COG3: variants seen among roughly 807,000 people sequenced by gnomAD.
COG3 encodes conserved oligomeric Golgi complex subunit 3.
Under a neutral mutation model 114.1 loss-of-function variants are expected in COG3, and 32 were observed. The observed-to-expected ratio is 0.28, with a 90% CI of 0.21 to 0.38. COG3 has a LOEUF of 0.38. Among genes scored for constraint, COG3 ranks in the 10% least tolerant of loss-of-function variants. COG3 has a pLI of 1.00. For missense variants in COG3, 813 were observed against 973.2 expected (o/e 0.84, Z 2.19); for synonymous variants, 352 against 365.7 (o/e 0.96, Z 0.43).
At position 45,474,189 on chromosome 13, in the gene COG3, G is replaced by A. The variant is rs573113138; in HGVS notation, c.175-2012G>A. ...TTTTTTTTTTTTGAGATGGAGTCTC[G>A]CTCTGTCGCCCAGGCTGGAGTGCAG... On this transcript the variant is annotated intron_variant, in intron 1 of 22. Transcript: ENST00000349995. Among the ~76,000 whole-genome samples, 33 of 122,388 alleles carry A rather than the reference G, an allele frequency of 2.7e-4. No individual in the cohort carries two copies. The East Asian group carries it at 7.5e-3, about 28-fold the overall frequency. The allele number at this position is 122,388 out of a possible 152,430, so 80.3% of individuals were successfully genotyped here.
At chr13:45,507,925 C>G (rs555468530) in intron 14 of COG3, among the ~76,000 whole-genome samples, 1 of 146,724 alleles carries the variant, frequency 6.8e-6, no homozygotes, top group Non-Finnish European at 1.5e-5. Flanking sequence ...GAAAATTAGC[C>G]GGGTGTGGTG....
chr13:45,509,523 G>A (rs1440964739), intron 14 of COG3, among the ~76,000 whole-genome samples, 169 bp from the exon 15 acceptor site: 1 of 152,212 alleles, frequency 6.6e-6, no homozygotes, highest in Non-Finnish European at 1.5e-5. Flanking sequence ...ACCTGTCACT[G>A]ATTTAGATTT....
chr13:45,483,174 C>T, intron 6 of COG3, 56 bp from the exon 7 acceptor site: 1 of 1,412,576 alleles, frequency 7.1e-7, no homozygotes, highest in South Asian at 1.3e-5. Flanking sequence ...TCACTAAAAG[C>T]TTGCTTTTTA....
At chr13:45,466,528 G>A (rs573493795) in intron 1 of COG3, 2 of 152,124 alleles carry the variant, frequency 1.3e-5, no homozygotes, top group East Asian at 1.9e-4. Flanking sequence ...ATATGGTACC[G>A]GAAGTGGATC....
chr13:45,469,627 C>T (rs180864774), intron 1 of COG3, among the ~76,000 whole-genome samples: 1 of 152,054 alleles, frequency 6.6e-6, no homozygotes, highest in African/African-American at 2.4e-5. Context: ...CTTTATCTTA[C>T]ATGGTGAAGT....
chr13:45,500,038 GTA>G (rs201318151), intron 13 of COG3, among the ~76,000 whole-genome samples: 2,020 of 84,868 alleles, frequency 0.024, 41 homozygotes, highest in African/African-American at 0.11. Context: ...ATATATATAT[GTA>G]TGTGTGTGTG....
intron 1 of COG3, among the ~76,000 whole-genome samples, chr13:45,467,421 A>G (rs944499268): frequency 3.3e-5 from 5 of 152,180 alleles, no homozygotes; most frequent in Non-Finnish European, 7.4e-5. Context: ...GCGAAACACC[A>G]TCTCTACTAA....
At chr13:45,480,052 C>T (rs753846629) in intron 3 of COG3, 73 bp from the exon 4 acceptor site, 1 of 1,320,036 alleles carries the variant, frequency 7.6e-7, no homozygotes, top group Non-Finnish European at 1.0e-6. Flanking sequence ...GAAAAATGAG[C>T]CTTTGTTGTT....
At chr13:45,515,232 G>C (rs573337896) in intron 16 of COG3, among the ~76,000 whole-genome samples, 1 of 152,268 alleles carries the variant, frequency 6.6e-6, no homozygotes, top group Admixed American at 6.5e-5. Flanking sequence ...TGCAGAGTGA[G>C]TTTCCATGAC....
chr13:45,513,724 A>G (rs1464247161), intron 16 of COG3, among the ~76,000 whole-genome samples: 4 of 151,668 alleles, frequency 2.6e-5, no homozygotes, highest in Non-Finnish European at 5.9e-5. Flanking sequence ...AGTTATAGAC[A>G]GGCAGATTTA....
chr13:45,474,025 C>G (rs528946359), intron 1 of COG3, among the ~76,000 whole-genome samples: 30 of 152,198 alleles, frequency 2.0e-4, no homozygotes, highest in Admixed American at 1.3e-4. Flanking sequence ...CTAGGACCCT[C>G]CTGACTCTTG....
chr13:45,479,496 G>T (rs2137797099), intron 3 of COG3, among the ~76,000 whole-genome samples: 1 of 152,228 alleles, frequency 6.6e-6, no homozygotes, highest in East Asian at 1.9e-4. Context: ...TGATTTGGGG[G>T]CTGTGGGTTG....
chr13:45,518,703 C>A, intron 17 of COG3, 59 bp from the exon 18 acceptor site: 1 of 1,308,000 alleles, frequency 7.6e-7, no homozygotes, highest in Non-Finnish European at 1.1e-6. Context: ...GTGTATGTTA[C>A]TCATGGCTTT....
intron 19 of COG3, among the ~76,000 whole-genome samples, chr13:45,522,765 A>G (rs1872297884): frequency 6.6e-6 from 1 of 152,192 alleles, no homozygotes; most frequent in African/African-American, 2.4e-5. Context: ...ATATGAAAAC[A>G]TTTGGCTTAG....
intron 11 of COG3, among the ~76,000 whole-genome samples, chr13:45,492,961 C>A (rs1489057283): frequency 6.6e-6 from 1 of 151,962 alleles, no homozygotes; most frequent in African/African-American, 2.4e-5. Context: ...CTTGTCTTTC[C>A]TCGGGGAAAA....
intron 13 of COG3, among the ~76,000 whole-genome samples, chr13:45,499,053 G>A (rs992977726): frequency 2.0e-5 from 3 of 152,036 alleles, no homozygotes; most frequent in Non-Finnish European, 4.4e-5. Context: ...TGAGTATTAG[G>A]TGTGCTCATT....
intron 14 of COG3, among the ~76,000 whole-genome samples, chr13:45,508,427 T>C (rs2985966): frequency 0.44 from 51,991 of 117,778 alleles, 10,179 homozygotes; most frequent in Middle Eastern, 0.55. Flanking sequence ...CACACACACA[T>C]ACACATATAT....
At chr13:45,509,920 C>A (rs2137880330) in intron 15 of COG3, 104 bp downstream of exon 15, 5 of 1,214,986 alleles carry the variant, frequency 4.1e-6, no homozygotes, top group Middle Eastern at 2.1e-4. Flanking sequence ...TTCTTAAAAT[C>A]ATGATTTTTA....
At chr13:45,475,215 A>T (rs1045300654) in intron 1 of COG3, among the ~76,000 whole-genome samples, 3 of 151,834 alleles carry the variant, frequency 2.0e-5, no homozygotes, top group Non-Finnish European at 4.4e-5. Context: ...TTATTTATTT[A>T]TTTTTTTAGA....
Sources: allele counts gnomAD v4.1 joint callset (sites outside exome capture counted in the v4.1 genomes callset), GRCh38; gene constraint gnomAD v4.1.1; transcripts MANE v1.5; gene names NCBI Gene and HGNC (gene_info 2026-07-23, HGNC 2026-07-21).